The following PDE4D variants were observed in gnomAD, a reference collection of about 807,000 sequenced individuals.
PDE4D encodes phosphodiesterase 4D.
In PDE4D, 24 loss-of-function variants were observed where a neutral mutation model predicts 87.4. The observed-to-expected ratio is 0.27, with a 90% CI of 0.20 to 0.39. The LOEUF (loss-of-function observed/expected upper bound fraction) is 0.39. Among genes scored for constraint, PDE4D ranks in the 10% least tolerant of loss-of-function variants. The probability of loss-of-function intolerance (pLI) is 1.00; values close to 1 mark genes in which losing one functional copy is unlikely to be tolerated. For synonymous variants in PDE4D, 384 were observed against 383.2 expected (o/e 1.00, Z -0.02); for missense variants, 714 against 1,041.0 (o/e 0.69, Z 4.32).
At chr5:59,017,559 G>C (rs1227474603) in intron 6 of PDE4D, among the ~76,000 whole-genome samples, 1 of 152,160 alleles carries the variant, frequency 6.6e-6, no homozygotes, top group African/African-American at 2.4e-5. Flanking sequence ...TCTTCACAGA[G>C]TTCAGGATAA....
intron 1 of PDE4D, among the ~76,000 whole-genome samples, chr5:59,475,369 T>A (rs1357913781): frequency 6.6e-6 from 1 of 152,112 alleles, no homozygotes; most frequent in Non-Finnish European, 1.5e-5. Flanking sequence ...GGTTATATAT[T>A]AACCCCACTT....
intron 1 of PDE4D, among the ~76,000 whole-genome samples, chr5:59,476,059 A>T (rs1157011880): frequency 6.6e-6 from 1 of 152,092 alleles, no homozygotes. Context: ...CTAGGGAAAG[A>T]ATCAGAAGCA....
chr5:60,410,991 A>T (rs545157696), intron 1 of PDE4D, among the ~76,000 whole-genome samples: 83 of 152,332 alleles, frequency 5.4e-4, no homozygotes, highest in South Asian at 2.3e-3. Context: ...ATAGTGAACT[A>T]AAAAAGCTGC....
intron 3 of PDE4D, among the ~76,000 whole-genome samples, chr5:59,919,905 G>A (rs1184504676): frequency 6.6e-6 from 1 of 152,070 alleles, no homozygotes; most frequent in Non-Finnish European, 1.5e-5. Flanking sequence ...TAATAACATA[G>A]CCCTATTATT....
At position 60,451,678 on chromosome 5, in the gene PDE4D, T is replaced by C. The variant is rs111547787; in HGVS notation, c.-90+36264A>G. ...GGAGGAAAACTTGCAGAAGTTTGAA[T>C]GGAGTTGAGAGATTTTTAAAAGCCA... is the stretch of plus-strand genomic sequence containing the variant. On this transcript the variant is annotated intron_variant, in intron 1 of 16. Coordinates refer to the PDE4D transcript ENST00000502484. Among the ~76,000 whole-genome samples the C allele has an allele frequency of 2.1e-3, 323 of 152,208 alleles. 2 individuals are homozygous for C. The highest frequency in any genetic ancestry group is 7.5e-3 in the African/African-American group (311 of 41,542).
chr5:60,183,599 A>G (rs1215473795), intron 2 of PDE4D, among the ~76,000 whole-genome samples: 1 of 152,198 alleles, frequency 6.6e-6, no homozygotes, highest in East Asian at 1.9e-4. Context: ...TGCAAGACCT[A>G]CAAGAGAGGC....
chr5:60,415,143 TC>T (rs1742376588), intron 1 of PDE4D, among the ~76,000 whole-genome samples: 1 of 152,254 alleles, frequency 6.6e-6, no homozygotes, highest in African/African-American at 2.4e-5. Flanking sequence ...TGGGTTCCCT[TC>T]TTTCAGCACC....
intron 1 of PDE4D, among the ~76,000 whole-genome samples, chr5:59,451,281 A>G (rs1799115523): frequency 2.6e-5 from 4 of 152,134 alleles, no homozygotes; most frequent in Admixed American, 2.6e-4. Context: ...TTGTCTTCAA[A>G]TATTGGCAGT....
At chr5:60,295,724 G>A (rs542317708) in intron 1 of PDE4D, among the ~76,000 whole-genome samples, 16 of 152,272 alleles carry the variant, frequency 1.1e-4, no homozygotes, top group African/African-American at 3.6e-4. Flanking sequence ...CACAAACACA[G>A]GAGATTACAG....
At chr5:60,483,671 A>T (rs1023159662) in intron 1 of PDE4D, among the ~76,000 whole-genome samples, 1 of 152,224 alleles carries the variant, frequency 6.6e-6, no homozygotes, top group Non-Finnish European at 1.5e-5. Context: ...CAAAGGCACA[A>T]AAAAGTCAGG....
intron 1 of PDE4D, among the ~76,000 whole-genome samples, chr5:59,281,559 A>T (rs1350181732): frequency 1.3e-5 from 2 of 152,184 alleles, no homozygotes; most frequent in Admixed American, 1.3e-4. Flanking sequence ...ATGGTAAAAT[A>T]CACATCACGT....
chr5:59,536,103 A>T (rs1815171380), intron 1 of PDE4D, among the ~76,000 whole-genome samples: 1 of 152,202 alleles, frequency 6.6e-6, no homozygotes, highest in Non-Finnish European at 1.5e-5. Context: ...CTGTGAAATG[A>T]TTAGAATATC....
chr5:59,171,207 T>C (rs892672793), intron 5 of PDE4D, among the ~76,000 whole-genome samples: 4 of 152,080 alleles, frequency 2.6e-5, no homozygotes, highest in Non-Finnish European at 5.9e-5. Flanking sequence ...AAATTGTTCA[T>C]CCTCAGTCTC....
chr5:59,554,811 C>T (rs1263922254), intron 1 of PDE4D, among the ~76,000 whole-genome samples: 1 of 152,066 alleles, frequency 6.6e-6, no homozygotes, highest in Non-Finnish European at 1.5e-5. Flanking sequence ...TGTTCCACAC[C>T]ATAATTTAAA....
chr5:60,106,514 G>T (rs1256792010), intron 2 of PDE4D, among the ~76,000 whole-genome samples: 3 of 152,090 alleles, frequency 2.0e-5, no homozygotes, highest in African/African-American at 7.2e-5. Context: ...AGACCTAATA[G>T]ACATATACAG....
At chr5:59,814,246 CTTA>C (rs1768718305) in intron 1 of PDE4D, among the ~76,000 whole-genome samples, 1 of 152,144 alleles carries the variant, frequency 6.6e-6, no homozygotes, top group Admixed American at 6.5e-5. Context: ...CATTTGTTTA[CTTA>C]TTGTCTGTGG....
At chr5:59,955,300 C>T (rs1010259519) in intron 3 of PDE4D, among the ~76,000 whole-genome samples, 3 of 152,070 alleles carry the variant, frequency 2.0e-5, no homozygotes, top group African/African-American at 7.2e-5. Flanking sequence ...AATGTTTAAC[C>T]CATCCAAGTA....
At chr5:60,063,714 T>A (rs1279162393) in intron 2 of PDE4D, among the ~76,000 whole-genome samples, 2 of 152,136 alleles carry the variant, frequency 1.3e-5, no homozygotes, top group Non-Finnish European at 2.9e-5. Flanking sequence ...TAAGTAAGTA[T>A]AACTGATTTT....
At chr5:59,096,771 A>T (rs1184823482) in intron 5 of PDE4D, among the ~76,000 whole-genome samples, 1 of 152,200 alleles carries the variant, frequency 6.6e-6, no homozygotes, top group African/African-American at 2.4e-5. Context: ...ATAGACAGAG[A>T]AACTAAATCC....
Sources: allele counts gnomAD v4.1 joint callset (sites outside exome capture counted in the v4.1 genomes callset), GRCh38; gene constraint gnomAD v4.1.1; transcripts MANE v1.5; gene names NCBI Gene and HGNC (gene_info 2026-07-23, HGNC 2026-07-21).